FGFR3: variants seen among roughly 807,000 people sequenced by gnomAD.
FGFR3 encodes fibroblast growth factor receptor 3.
A neutral mutation model predicts 82.9 loss-of-function variants in FGFR3; 25 were observed. The ratio of observed to expected loss-of-function variants is 0.30; its 90% CI spans 0.22 to 0.42. FGFR3 has a LOEUF of 0.42. FGFR3 is among the 10% of genes least tolerant of loss of function. The probability of loss-of-function intolerance (pLI) is 1.00; values close to 1 mark genes in which losing one functional copy is unlikely to be tolerated. For missense variants in FGFR3, 1,026 were observed against 1,161.0 expected (o/e 0.88, Z 1.69); for synonymous variants, 620 against 516.0 (o/e 1.20, Z -2.73).
chr4:1,803,933 T>A, intron 8 of FGFR3, 97 bp downstream of exon 8: 1 of 1,338,612 alleles, frequency 7.5e-7, no homozygotes, highest in Non-Finnish European at 1.1e-6. Context: ...TCCTGTGACT[T>A]ACGGCCGTCC....
rs954443329 is a variant in FGFR3, at chr4:1,804,685, C to T, written c.1267-139C>T. 5 of 1,421,082 alleles carry T rather than the reference C, an allele frequency of 3.5e-6. No homozygotes were observed. The East Asian group carries it at 7.2e-5, about 20-fold the overall frequency. The allele number at this position is 1,421,082 out of a possible 1,614,324, so 88.0% of individuals were successfully genotyped here. On this transcript the variant is annotated intron_variant, in intron 9 of 17. Coordinates refer to ENST00000440486, the MANE Select transcript of FGFR3 (RefSeq NM_000142.5). The stretch of plus-strand genomic sequence containing the variant: ...ATGTAGAGCCTAGGGTACTTTGGGG[C>T]ACGAAACATTCTAAAAATCTTCATT...
intron 4 of FGFR3, 52 bp downstream of exon 4, chr4:1,799,864 C>T (rs745606758): frequency 6.9e-6 from 11 of 1,592,412 alleles, no homozygotes; most frequent in South Asian, 6.7e-5. Context: ...CCGCTGCCAC[C>T]GCCAAGCCCT....
At chr4:1,799,638 AC>A in intron 3 of FGFR3, 108 bp from the exon 4 acceptor site, 1 of 1,556,776 alleles carries the variant, frequency 6.4e-7, no homozygotes, top group Non-Finnish European at 8.7e-7. Context: ...AGAGGAGGGC[AC>A]CCCCAGGAAG....
chr4:1,796,515 C>T (rs1720533643), intron 2 of FGFR3, among the ~76,000 whole-genome samples: 1 of 152,160 alleles, frequency 6.6e-6, no homozygotes, highest in Non-Finnish European at 1.5e-5. Flanking sequence ...TGACCCCAGG[C>T]CCTCATCTCA....
chr4:1,807,879 A>T lies in FGFR3; in HGVS notation c.*617A>T, dbSNP rs987091895. 10 of 423,548 alleles carry T rather than the reference A, an allele frequency of 2.4e-5. No individual in the cohort carries two copies. Among genetic ancestry groups the T allele is most frequent in the African/African-American group, 2.0e-4 (10 of 50,530 alleles). The allele number at this position is 423,548 out of a possible 1,614,324, so 26.2% of individuals were successfully genotyped here. Reference sequence around the variant, plus strand: ...AACTAGTGTACATTTCTATAAATAGATGCTGTGTATATGGTATATATACAT... The same window carrying T: ...AACTAGTGTACATTTCTATAAATAGTTGCTGTGTATATGGTATATATACAT... On this transcript the variant is annotated 3_prime_UTR_variant, in exon 18 of 18. Coordinates refer to ENST00000440486, the MANE Select transcript of FGFR3 (RefSeq NM_000142.5).
In FGFR3 at chr4:1,807,473, C is replaced by G. The variant is rs146843671; in HGVS notation, c.*211C>G. On this transcript the variant is annotated 3_prime_UTR_variant, in exon 18 of 18. Transcript: ENST00000440486. Reference sequence around the variant, plus strand: ...CATCTTGCCTCCAGGTGCAGAGGTACCCTGGGTGTCCCCGCTGCTGTGCAA... The same window carrying G: ...CATCTTGCCTCCAGGTGCAGAGGTAGCCTGGGTGTCCCCGCTGCTGTGCAA... The G allele has an allele frequency of 3.3e-4, 254 of 763,322 alleles. 1 individual carries two copies. The East Asian group carries it at 6.7e-3, about 20-fold the overall frequency. 47.3% of individuals were successfully genotyped at this position (763,322 alleles called of 1,614,324 possible). A position where few individuals can be genotyped will look rare whatever the true frequency, so the allele number is the denominator to read the frequency against.
At position 1,805,487 on chromosome 4, in the gene FGFR3, G is replaced by T. The variant is rs760018855; in HGVS notation, c.1534+11G>T. On this transcript the variant is annotated intron_variant, in intron 11 of 17. Transcript: ENST00000440486. ...TGAAGATGCTGAAAGGTGAGGAGGG[G>T]GCGGCCAGGGGTGCAGAGCAGGGCT... The T allele has an allele frequency of 6.2e-7, 1 of 1,612,100 alleles. No individual in the cohort carries two copies. The highest frequency in any genetic ancestry group is 1.3e-5 in the African/African-American group (1 of 75,048).
At chr4:1,802,100 G>A (rs1248931776) in intron 7 of FGFR3, 75 bp downstream of exon 7, 3 of 1,488,854 alleles carry the variant, frequency 2.0e-6, no homozygotes, top group Admixed American at 1.9e-5. Flanking sequence ...TTGGCTGCGG[G>A]TTGCGTGAGG....
chr4:1,802,260 C>T (rs1009322913), intron 7 of FGFR3, among the ~76,000 whole-genome samples: 1 of 152,108 alleles, frequency 6.6e-6, no homozygotes, highest in African/African-American at 2.4e-5. Context: ...CCACTGAAGT[C>T]CCTGACATGG....
intron 15 of FGFR3, 39 bp from the exon 16 acceptor site, chr4:1,806,507 G>A (rs2108810894): frequency 1.9e-6 from 3 of 1,612,690 alleles, no homozygotes; most frequent in Non-Finnish European, 2.5e-6. Context: ...TGTCTGTCCT[G>A]GGAGTCTCAG....
At chr4:1,796,631 T>TC (rs1172506290) in intron 2 of FGFR3, among the ~76,000 whole-genome samples, 1 of 151,922 alleles carries the variant, frequency 6.6e-6, no homozygotes, top group Non-Finnish European at 1.5e-5. Context: ...GGAGCAAGGC[T>TC]CCCCCATCCT....
In FGFR3 at chr4:1,807,599, G is replaced by C; in HGVS notation, c.*337G>C. 1 of 675,644 alleles carries C rather than the reference G, an allele frequency of 1.5e-6. No individual in the cohort carries two copies. The highest frequency in any genetic ancestry group is 2.8e-6 in the Non-Finnish European group (1 of 359,194). 41.9% of individuals were successfully genotyped at this position (675,644 alleles called of 1,614,324 possible). On this transcript the variant is annotated 3_prime_UTR_variant, in exon 18 of 18. Coordinates refer to ENST00000440486, the MANE Select transcript of FGFR3 (RefSeq NM_000142.5). ...ACCCGGTGGGACCCCCGTGGGGCAG[G>C]GAGCTGGGCCCGACATGGCTCCGGC...
intron 16 of FGFR3, 51 bp downstream of exon 16, chr4:1,806,734 C>T (rs1225425403): frequency 1.2e-6 from 2 of 1,605,518 alleles, no homozygotes; most frequent in Non-Finnish European, 1.7e-6. Flanking sequence ...GGGGGTCCCT[C>T]CGGGGCTGGG....
chr4:1,802,327 G>C (rs1475096503), intron 7 of FGFR3, among the ~76,000 whole-genome samples: 3 of 152,198 alleles, frequency 2.0e-5, no homozygotes, highest in Non-Finnish European at 4.4e-5. Flanking sequence ...GGTGCCCCAG[G>C]ACAGGAGGGC....
chr4:1,799,122 C>A (rs1720878452), intron 2 of FGFR3, 132 bp from the exon 3 acceptor site: 2 of 1,281,858 alleles, frequency 1.6e-6, no homozygotes, highest in Admixed American at 3.4e-5. Flanking sequence ...GTTTCCAGCC[C>A]CTGGTCTGGT....
intron 15 of FGFR3, 45 bp from the exon 16 acceptor site, chr4:1,806,501 T>C (rs2108810836): frequency 3.1e-6 from 5 of 1,612,618 alleles, no homozygotes; most frequent in Non-Finnish European, 4.2e-6. Context: ...CCCAGGTGTC[T>C]GTCCTGGGAG....
chr4:1,805,818 C>T lies in FGFR3; in HGVS notation c.1714C>T (p.Pro572Ser), dbSNP rs757421718. The T allele has an allele frequency of 1.1e-5, 17 of 1,612,124 alleles. No individual in the cohort carries two copies. The highest frequency in any genetic ancestry group is 1.4e-5 in the Non-Finnish European group (16 of 1,179,712). The change falls in exon 13 of 18, where the codon CCC becomes TCC. Residue 572 changes from proline (P) to serine (S), a missense_variant. By Grantham distance (74) the Pro-to-Ser change is moderately conservative. Around this residue, in one of 9 missense-constraint regions of FGFR3, gnomAD observed 164 missense variants for 167.5 expected, o/e 0.98. Coordinates refer to ENST00000440486, the MANE Select transcript of FGFR3 (RefSeq NM_000142.5). ...GCGGGAGTTTCTGCGGGCGCGGCGG[C>T]CCCCGGGCCTGGACTACTCCTTCGA... ...NLREFLRARR[P>S]PGLDYSFDTC...
intron 7 of FGFR3, chr4:1,802,910 G>T (rs558829758): frequency 3.8e-6 from 6 of 1,587,502 alleles, no homozygotes; most frequent in South Asian, 3.5e-5. Flanking sequence ...TCTTGTCCCC[G>T]CAGTCCTGGA....
rs2108814124 is a variant in FGFR3 at position 1,806,840 on chromosome 4, T to C, written c.2180T>C (p.Met727Thr). The C allele has an allele frequency of 6.2e-7, 1 of 1,608,524 alleles. No individual in the cohort carries two copies. Among genetic ancestry groups the C allele is most frequent in the Non-Finnish European group, 8.5e-7 (1 of 1,178,304 alleles). The change falls in exon 17 of 18, where the codon ATG becomes ACG. Residue 727 changes from methionine to threonine, a missense_variant. Physicochemically the swap from Met to Thr is moderately conservative, Grantham distance 81. Transcript: ENST00000440486. ...ANCTHDLYMIMRECWHAAPSQ... is the reference protein window; with the variant it reads ...ANCTHDLYMITRECWHAAPSQ... ...CGCCCTGCCCGCAGGTACATGATCA[T>C]GCGGGAGTGCTGGCATGCCGCGCCC...
Sources: gnomAD v4.1 joint callset for allele counts (sites outside exome capture counted in the v4.1 genomes callset) on GRCh38, gnomAD v4.1.1 for gene constraint, gnomAD v4.1.1 regional missense constraint, MANE v1.5 for transcripts, NCBI Gene and HGNC (gene_info 2026-07-23, HGNC 2026-07-21) for gene names.